The following SRGAP2 variants were observed in gnomAD, a reference collection of about 807,000 sequenced individuals.
The protein encoded by SRGAP2 is SLIT-ROBO Rho GTPase-activating protein 2.
SRGAP2 carries 15 observed loss-of-function variants against 57.2 expected under a neutral mutation model. The ratio of observed to expected loss-of-function variants is 0.26; its 90% CI spans 0.18 to 0.40. The LOEUF (loss-of-function observed/expected upper bound fraction) is 0.40, where lower values mean the gene tolerates loss of function less well. Ranked by LOEUF, SRGAP2 falls within the 10% of genes least tolerant of loss-of-function variation. The pLI, the probability that SRGAP2 is intolerant of heterozygous loss-of-function variation, is 1.00. For missense variants in SRGAP2, 520 were observed against 669.6 expected, an observed-to-expected ratio of 0.78 and a Z score of 2.47; for synonymous variants, 249 against 248.0, an observed-to-expected ratio of 1.00 and a Z score of -0.04.
In SRGAP2 at chr1:206,375,671, G is replaced by A. The variant is rs1413369521; in HGVS notation, c.424-8343G>A. On this transcript the variant is annotated intron_variant, in intron 4 of 22. Transcript: ENST00000573034. ...TTTCAGACTGGGAGAGCAGAGGGCCGTTAGCCTCTTCCTGACCCCACCCTG... is the reference window on the plus strand; with the variant it reads ...TTTCAGACTGGGAGAGCAGAGGGCCATTAGCCTCTTCCTGACCCCACCCTG... 8.5e-5 allele frequency among the ~76,000 whole-genome samples: 13 copies of A among 152,218 alleles called. No homozygotes were observed. In the South Asian group the frequency reaches 2.3e-3, roughly 27 times the overall value.
chr1:206,284,175 A>G (rs1470923333), intron 2 of SRGAP2, among the ~76,000 whole-genome samples: 1,751 of 146,950 alleles, frequency 0.012, 27 homozygotes, highest in African/African-American at 0.038. Flanking sequence ...TTTCAACTGC[A>G]TATCTACAAG....
chr1:206,286,380 G>T (rs1373917552), intron 2 of SRGAP2, among the ~76,000 whole-genome samples: 2 of 151,798 alleles, frequency 1.3e-5, no homozygotes, highest in Admixed American at 1.3e-4. Context: ...GTAAATACTC[G>T]TTATAAAAAA....
Position 206,453,519 on chromosome 1 carries a change from T to C in SRGAP2, c.2360+139T>C, listed in dbSNP as rs189633835. ...GCAGTCCTGAGGCTCACACAGTTCCTTGAAGAGCACCCCCCCCACCCCCCG... is the reference window on the plus strand; with the variant it reads ...GCAGTCCTGAGGCTCACACAGTTCCCTGAAGAGCACCCCCCCCACCCCCCG... On this transcript the variant is annotated intron_variant, in intron 20 of 22. Transcript: ENST00000573034. 2.7e-3 allele frequency: 1,115 copies of C among 419,284 alleles called. 2 individuals carry two copies. Among genetic ancestry groups the C allele is most frequent in the Non-Finnish European group, 3.9e-3 (901 of 230,624 alleles). The allele number at this position is 419,284 out of a possible 1,614,324, so 26.0% of individuals were successfully genotyped here.
intron 13 of SRGAP2, 134 bp from the exon 14 acceptor site, chr1:206,430,028 G>A (rs1572134895): frequency 3.0e-6 from 2 of 673,450 alleles, no homozygotes; most frequent in Non-Finnish European, 5.5e-6. Context: ...GAACTTGGAG[G>A]ACAGGCCAGG....
intron 4 of SRGAP2, among the ~76,000 whole-genome samples, chr1:206,372,977 CTTT>C (rs1558359220): frequency 0.029 from 1,150 of 40,242 alleles, 128 homozygotes; most frequent in African/African-American, 0.087. Flanking sequence ...TTCTTTCTTT[CTTT>C]CTTTCTTTCT....
At chr1:206,310,672 A>G (rs1239576878) in intron 3 of SRGAP2, among the ~76,000 whole-genome samples, 1 of 152,082 alleles carries the variant, frequency 6.6e-6, no homozygotes, top group Non-Finnish European at 1.5e-5. Flanking sequence ...AAGATAACCA[A>G]GTGTTAAAAT....
intron 4 of SRGAP2, among the ~76,000 whole-genome samples, chr1:206,355,119 G>A (rs1379132703): frequency 6.6e-6 from 1 of 151,942 alleles, no homozygotes; most frequent in East Asian, 1.9e-4. Context: ...TTGACAACTA[G>A]TTTGTCCAAG....
In SRGAP2 at chr1:206,450,475, C is replaced by T; in HGVS notation, c.2179+10C>T. 1.3e-6 allele frequency: 1 copy of T among 780,672 alleles called. No homozygotes were observed. Among genetic ancestry groups the T allele is most frequent in the Non-Finnish European group, 2.4e-6 (1 of 417,912 alleles). The allele number at this position is 780,672 out of a possible 1,614,324, so 48.4% of individuals were successfully genotyped here. ...CACACGAGCGATGACGGTACGAGGC[C>T]CTGCTTCCTGGTCAGTGGGGACGCC... On this transcript the variant is annotated intron_variant, in intron 19 of 22. Transcript: ENST00000573034.
chr1:206,419,861 CTG>C (rs1462132900), intron 12 of SRGAP2, among the ~76,000 whole-genome samples: 2 of 151,118 alleles, frequency 1.3e-5, no homozygotes, highest in African/African-American at 4.9e-5. Flanking sequence ...TTAGTAGTGA[CTG>C]TTGCTGGATA....
chr1:206,443,961 G>T (rs187645684), intron 17 of SRGAP2, among the ~76,000 whole-genome samples: 2 of 152,156 alleles, frequency 1.3e-5, no homozygotes, highest in South Asian at 4.2e-4. Flanking sequence ...TGGCCAAGGC[G>T]GGTGGATCAC....
intron 13 of SRGAP2, among the ~76,000 whole-genome samples, chr1:206,426,370 T>C (rs2336937): frequency 0.1 from 15,577 of 152,258 alleles, 1,778 homozygotes; most frequent in African/African-American, 0.28. Flanking sequence ...CCCATTCATC[T>C]ATTGATGGAC....
intron 4 of SRGAP2, among the ~76,000 whole-genome samples, chr1:206,346,083 GGTT>G (rs1233609090): frequency 6.6e-6 from 1 of 152,104 alleles, no homozygotes; most frequent in Non-Finnish European, 1.5e-5. Context: ...GAATCCTACT[GGTT>G]AAGATATAGT....
intron 13 of SRGAP2, among the ~76,000 whole-genome samples, chr1:206,427,500 G>A (rs1253554909): frequency 6.6e-6 from 1 of 152,166 alleles, no homozygotes; most frequent in African/African-American, 2.4e-5. Context: ...TACTCCCTTT[G>A]GCATCATCCC....
In SRGAP2 at chr1:206,386,882, T is replaced by G. The variant is rs376733984; in HGVS notation, c.486+2806T>G. Among the ~76,000 whole-genome samples the G allele has an allele frequency of 5.3e-5, 8 of 150,684 alleles. No homozygotes were observed. The East Asian group carries it at 1.4e-3, about 26-fold the overall frequency. ...GCTCATGCCCGTAATCCCAGCACTTTGGGAGGCTGAGGTGGGCGGATCATG... is the reference window on the plus strand; with the variant it reads ...GCTCATGCCCGTAATCCCAGCACTTGGGGAGGCTGAGGTGGGCGGATCATG... On this transcript the variant is annotated intron_variant, in intron 5 of 22. Coordinates refer to ENST00000573034, the MANE Select transcript of SRGAP2 (RefSeq NM_015326.5).
At chr1:206,220,836 C>T (rs1252957231) in intron 2 of SRGAP2, among the ~76,000 whole-genome samples, 20 of 152,192 alleles carry the variant, frequency 1.3e-4, no homozygotes, top group Non-Finnish European at 2.4e-4. Context: ...TCTTTCCTGT[C>T]CCCTCCCCTC....
At chr1:206,440,548 A>ATT (rs1277994095) in intron 17 of SRGAP2, among the ~76,000 whole-genome samples, 5 of 150,190 alleles carry the variant, frequency 3.3e-5, no homozygotes, top group South Asian at 2.1e-4. Context: ...CAATTAGAAG[A>ATT]TTTTCTTTTT....
chr1:206,454,365 C>G lies in SRGAP2; in HGVS notation c.2361-513C>G. ...TCAGTAGCCAGAGGGGCCAGGAGAGCAGTGGAGAGACCTGGGACCGGCTTG... is the reference window on the plus strand; with the variant it reads ...TCAGTAGCCAGAGGGGCCAGGAGAGGAGTGGAGAGACCTGGGACCGGCTTG... On this transcript the variant is annotated intron_variant, in intron 20 of 22. Coordinates refer to ENST00000573034, the MANE Select transcript of SRGAP2 (RefSeq NM_015326.5). The surrounding 1 kb of genome is among the most constrained non-coding windows in gnomAD (Gnocchi z 4.3). The G allele has an allele frequency of 1.6e-6, 1 of 608,760 alleles. No individual in the cohort carries two copies. Among genetic ancestry groups the G allele is most frequent in the African/African-American group, 1.8e-5 (1 of 54,328 alleles). The allele number at this position is 608,760 out of a possible 1,614,324, so 37.7% of individuals were successfully genotyped here.
intron 2 of SRGAP2, among the ~76,000 whole-genome samples, chr1:206,255,329 G>A (rs1467894046): frequency 6.7e-6 from 1 of 148,500 alleles, no homozygotes; most frequent in Non-Finnish European, 1.5e-5. Flanking sequence ...GTGTGTACCT[G>A]GCTGACTACT....
intron 17 of SRGAP2, among the ~76,000 whole-genome samples, chr1:206,442,013 C>G (rs180901707): frequency 2.0e-5 from 3 of 152,302 alleles, no homozygotes; most frequent in Non-Finnish European, 4.4e-5. Context: ...AAATGAGGAG[C>G]CTTCTACAAG....
Sources: allele counts gnomAD v4.1 joint callset (sites outside exome capture counted in the v4.1 genomes callset), GRCh38; gene constraint gnomAD v4.1.1; non-coding constraint Gnocchi (gnomAD v3.1); transcripts MANE v1.5; gene names NCBI Gene and HGNC (gene_info 2026-07-23, HGNC 2026-07-21).